The following LRMDA variants were observed in gnomAD, a reference collection of about 807,000 sequenced individuals.
The protein encoded by LRMDA is leucine rich melanocyte differentiation associated.
Under a neutral mutation model 29.8 loss-of-function variants are expected in LRMDA, and 18 were observed. That is an observed-to-expected ratio of 0.60 (90% CI 0.42 to 0.90). The LOEUF (loss-of-function observed/expected upper bound fraction) is 0.90, where lower values mean the gene tolerates loss of function less well. Among genes scored for constraint, LRMDA ranks in the 40% least tolerant of loss-of-function variants. LRMDA has a pLI of 0.00. For missense variants in LRMDA, 273 were observed against 273.9 expected (o/e 1.00, Z 0.02); for synonymous variants, 125 against 109.4 (o/e 1.14, Z -0.89).
intron 5 of LRMDA, among the ~76,000 whole-genome samples, chr10:76,116,219 A>G (rs899609789): frequency 6.6e-6 from 1 of 152,166 alleles, no homozygotes; most frequent in Non-Finnish European, 1.5e-5. Context: ...ATTTCAATTT[A>G]CTGCTTTCTG....
chr10:75,813,038 A>G (rs2132273268), intron 2 of LRMDA, among the ~76,000 whole-genome samples: 1 of 152,270 alleles, frequency 6.6e-6, no homozygotes, highest in Middle Eastern at 3.4e-3. Flanking sequence ...TTCCTAGATG[A>G]GAGTTACACG....
intron 5 of LRMDA, among the ~76,000 whole-genome samples, chr10:76,179,026 C>T (rs1272130177): frequency 6.6e-6 from 1 of 152,206 alleles, no homozygotes; most frequent in South Asian, 2.1e-4. Context: ...CAACAGGAGG[C>T]ACAGAAGAAT....
intron 6 of LRMDA, among the ~76,000 whole-genome samples, chr10:76,331,018 C>T (rs934892829): frequency 6.6e-6 from 1 of 152,188 alleles, no homozygotes; most frequent in Non-Finnish European, 1.5e-5. Context: ...CGCCTGTAAT[C>T]CCAGCACTTT....
chr10:75,751,039 T>C (rs920198681), intron 2 of LRMDA, among the ~76,000 whole-genome samples: 9 of 152,136 alleles, frequency 5.9e-5, no homozygotes, highest in African/African-American at 2.2e-4. Flanking sequence ...GAGCACTGAG[T>C]GAGCGAGACT....
At chr10:75,681,705 A>G (rs186897134) in intron 2 of LRMDA, among the ~76,000 whole-genome samples, 1 of 152,226 alleles carries the variant, frequency 6.6e-6, no homozygotes, top group Non-Finnish European at 1.5e-5. Context: ...AGCAAGTCTC[A>G]TGGCCTAGAC....
intron 6 of LRMDA, among the ~76,000 whole-genome samples, chr10:76,341,045 A>G (rs1360921083): frequency 1.3e-5 from 2 of 152,200 alleles, no homozygotes; most frequent in Non-Finnish European, 2.9e-5. Context: ...GCAAAACCTA[A>G]TGCTCTGTGT....
intron 5 of LRMDA, among the ~76,000 whole-genome samples, chr10:76,070,223 G>T (rs1354227250): frequency 6.6e-6 from 1 of 152,208 alleles, no homozygotes; most frequent in Non-Finnish European, 1.5e-5. Flanking sequence ...ATCAAGATGT[G>T]TGGGTGAATG....
intron 6 of LRMDA, among the ~76,000 whole-genome samples, chr10:76,365,102 A>AT (rs1463061293): frequency 1.9e-5 from 1 of 52,320 alleles, no homozygotes; most frequent in Non-Finnish European, 4.9e-5. Context: ...ATATATATAT[A>AT]TATATACACA....
intron 5 of LRMDA, among the ~76,000 whole-genome samples, chr10:76,084,014 A>C (rs759377085): frequency 3.9e-5 from 6 of 151,970 alleles, no homozygotes; most frequent in Non-Finnish European, 5.9e-5. Context: ...TTTCTAGCAG[A>C]GGGCTTTGGG....
At chr10:75,746,918 T>C (rs2132215178) in intron 2 of LRMDA, among the ~76,000 whole-genome samples, 1 of 152,256 alleles carries the variant, frequency 6.6e-6, no homozygotes, top group Middle Eastern at 3.4e-3. Flanking sequence ...AACAGAGATC[T>C]TAGGGGTAGA....
chr10:75,838,135 A>G (rs1844474359), intron 2 of LRMDA, among the ~76,000 whole-genome samples: 2 of 152,252 alleles, frequency 1.3e-5, no homozygotes, highest in Non-Finnish European at 2.9e-5. Context: ...AATGTCCATA[A>G]CATTATCAGG....
intron 6 of LRMDA, among the ~76,000 whole-genome samples, chr10:76,360,932 A>C (rs568565168): frequency 3.9e-5 from 6 of 152,274 alleles, no homozygotes; most frequent in African/African-American, 9.6e-5. Context: ...TTTTCATCTA[A>C]GATAGTTGAG....
intron 2 of LRMDA, among the ~76,000 whole-genome samples, chr10:75,727,449 CA>C (rs1268328416): frequency 1.3e-5 from 2 of 152,174 alleles, no homozygotes; most frequent in African/African-American, 4.8e-5. Flanking sequence ...TAGAAATTCA[CA>C]AGACTGATAT....
chr10:76,155,403 A>T (rs1850519791), intron 5 of LRMDA, among the ~76,000 whole-genome samples: 1 of 152,202 alleles, frequency 6.6e-6, no homozygotes, highest in South Asian at 2.1e-4. Flanking sequence ...TTGCTTCTAC[A>T]ACCTAAGAGG....
intron 2 of LRMDA, among the ~76,000 whole-genome samples, chr10:75,760,400 G>C (rs990498262): frequency 6.6e-6 from 1 of 152,234 alleles, no homozygotes; most frequent in African/African-American, 2.4e-5. Context: ...ATGGGATTGA[G>C]AGTGGCTGGA....
At chr10:76,169,173 T>C (rs1850791389) in intron 5 of LRMDA, among the ~76,000 whole-genome samples, 1 of 152,196 alleles carries the variant, frequency 6.6e-6, no homozygotes, top group Admixed American at 6.5e-5. Context: ...GCAATTAGAT[T>C]GAATCTGTTG....
chr10:76,134,860 G>A (rs950475070), intron 5 of LRMDA, among the ~76,000 whole-genome samples: 17 of 152,052 alleles, frequency 1.1e-4, no homozygotes, highest in Admixed American at 9.8e-4. Context: ...CCTACTGAAT[G>A]AATTATAAAA....
intron 6 of LRMDA, among the ~76,000 whole-genome samples, chr10:76,361,665 T>C (rs1327518960): frequency 6.6e-6 from 1 of 152,122 alleles, no homozygotes; most frequent in African/African-American, 2.4e-5. Flanking sequence ...TATGTGCCAG[T>C]TGAAAGTGAA....
intron 5 of LRMDA, chr10:76,260,791 C>A (rs1360514378): frequency 6.6e-6 from 1 of 152,156 alleles, no homozygotes; most frequent in Admixed American, 6.5e-5. Flanking sequence ...GCACCCTTTT[C>A]CTTCTCTGAA....
Sources: allele counts gnomAD v4.1 joint callset (sites outside exome capture counted in the v4.1 genomes callset), GRCh38; gene constraint gnomAD v4.1.1; transcripts MANE v1.5; gene names NCBI Gene and HGNC (gene_info 2026-07-23, HGNC 2026-07-21).